The following PTGR1 variants were observed in gnomAD, a reference collection of about 807,000 sequenced individuals.
PTGR1 encodes 15-oxoprostaglandin 13-reductase.
PTGR1 carries 23 observed loss-of-function variants against 37.7 expected under a neutral mutation model. The observed-to-expected ratio is 0.61, with a 90% CI of 0.44 to 0.86. The LOEUF (loss-of-function observed/expected upper bound fraction) is 0.86. Among genes scored for constraint, PTGR1 ranks in the 40% least tolerant of loss-of-function variants. The pLI is 0.00. For missense variants in PTGR1, 351 were observed against 394.3 expected (o/e 0.89, Z 0.93); for synonymous variants, 134 against 140.0 (o/e 0.96, Z 0.30).
At chr9:111,587,580 T>C (rs1456013919) in intron 4 of PTGR1, among the ~76,000 whole-genome samples, 1 of 152,016 alleles carries the variant, frequency 6.6e-6, no homozygotes, top group African/African-American at 2.4e-5. Context: ...GCCTCCCAAA[T>C]AGCTGGGAAT....
At chr9:111,553,766 A>G (rs1263176277) in intron 9 of PTGR1, among the ~76,000 whole-genome samples, 1 of 152,238 alleles carries the variant, frequency 6.6e-6, no homozygotes, top group Non-Finnish European at 1.5e-5. Context: ...AAATTGTGAA[A>G]TGTGGCACTG....
chr9:111,561,173 G>GAA (rs1564608215), downstream of PTGR1, among the ~76,000 whole-genome samples: 11 of 120,796 alleles, frequency 9.1e-5, no homozygotes, highest in South Asian at 5.6e-4. Flanking sequence ...GAGAGAGAGA[G>GAA]AGAGAAAGAG....
chr9:111,565,442 G>T (rs935260931), intron 9 of PTGR1, among the ~76,000 whole-genome samples: 1 of 152,138 alleles, frequency 6.6e-6, no homozygotes, highest in African/African-American at 2.4e-5. Context: ...TTAATAATAG[G>T]GGAAATTAGG....
intron 9 of PTGR1, among the ~76,000 whole-genome samples, chr9:111,557,027 T>G (rs1041831332): frequency 6.6e-6 from 1 of 152,172 alleles, no homozygotes; most frequent in Non-Finnish European, 1.5e-5. Context: ...CCTCCAGGCC[T>G]TTGATGGAAA....
At chr9:111,585,865 G>C in intron 5 of PTGR1, 133 bp downstream of exon 5, 1 of 991,458 alleles carries the variant, frequency 1.0e-6, no homozygotes, top group Non-Finnish European at 1.5e-6. Context: ...TCTTGGTCCT[G>C]CCCTCTTCTC....
chr9:111,586,969 A>G (rs1564620632), intron 4 of PTGR1, among the ~76,000 whole-genome samples: 1 of 150,666 alleles, frequency 6.6e-6, no homozygotes, highest in Non-Finnish European at 1.5e-5. Context: ...CCACCACAAC[A>G]ACACCAGACT....
chr9:111,588,017 C>CTTTCTTTT (rs759731089), intron 4 of PTGR1, among the ~76,000 whole-genome samples: 1 of 140,276 alleles, frequency 7.1e-6, no homozygotes, highest in African/African-American at 2.6e-5. Flanking sequence ...ATTATTTTTT[C>CTTTCTTTT]TTTTTTTTTT....
At chr9:111,554,178 T>C (rs2132290313) in intron 9 of PTGR1, among the ~76,000 whole-genome samples, 1 of 152,326 alleles carries the variant, frequency 6.6e-6, no homozygotes, top group East Asian at 1.9e-4. Flanking sequence ...TATTATGTTA[T>C]TGGAACTAAC....
At chr9:111,594,652 G>A (rs1829726723) in intron 2 of PTGR1, among the ~76,000 whole-genome samples, 1 of 147,082 alleles carries the variant, frequency 6.8e-6, no homozygotes, top group Non-Finnish European at 1.5e-5. Flanking sequence ...CTGGGTTCAT[G>A]CCATTCTCCT....
At chr9:111,578,412 G>A (rs1442523052) in intron 7 of PTGR1, among the ~76,000 whole-genome samples, 1 of 152,066 alleles carries the variant, frequency 6.6e-6, no homozygotes, top group Non-Finnish European at 1.5e-5. Flanking sequence ...GCAACTAGAC[G>A]GTCCCATCTG....
At chr9:111,574,620 A>AAT in intron 8 of PTGR1, 114 bp downstream of exon 8, 1 of 699,432 alleles carries the variant, frequency 1.4e-6, no homozygotes, top group Non-Finnish European at 2.3e-6. Flanking sequence ...AAAAAAAAAA[A>AAT]GAATATATGA....
chr9:111,558,575 A>C (rs1318194946), downstream of PTGR1, among the ~76,000 whole-genome samples: 1 of 152,158 alleles, frequency 6.6e-6, no homozygotes, highest in African/African-American at 2.4e-5. Flanking sequence ...CCCCAGAACA[A>C]ACCATTTCTG....
chr9:111,583,634 C>T, intron 5 of PTGR1, 45 bp from the exon 6 acceptor site: 1 of 1,439,576 alleles, frequency 6.9e-7, no homozygotes, highest in Non-Finnish European at 9.8e-7. Flanking sequence ...TTGTTTCTTT[C>T]CTCTATAACT....
chr9:111,591,552 TA>T (rs761840955), intron 4 of PTGR1, among the ~76,000 whole-genome samples: 63 of 151,702 alleles, frequency 4.2e-4, no homozygotes, highest in Non-Finnish European at 5.6e-4. Context: ...GTTTTTTTAG[TA>T]GAGACGGGGT....
At chr9:111,567,393 G>T (rs1415404241) in intron 9 of PTGR1, among the ~76,000 whole-genome samples, 1 of 152,110 alleles carries the variant, frequency 6.6e-6, no homozygotes, top group African/African-American at 2.4e-5. Context: ...TCACCATGTT[G>T]GTCAGATGGT....
intron 4 of PTGR1, among the ~76,000 whole-genome samples, chr9:111,587,671 T>C (rs1166840625): frequency 6.6e-6 from 1 of 152,088 alleles, no homozygotes; most frequent in Non-Finnish European, 1.5e-5. Flanking sequence ...AGGATGGTCT[T>C]GATCTCTTGA....
chr9:111,592,779 A>T, intron 4 of PTGR1, 147 bp downstream of exon 4: 1 of 1,127,258 alleles, frequency 8.9e-7, no homozygotes, highest in Non-Finnish European at 1.2e-6. Context: ...GGAAGGAGAC[A>T]GAATTTCCCA....
rs1283488025 is a variant in PTGR1 at position 111,583,486 on chromosome 9, T to A, written c.481A>T (p.Ile161Phe). 6.2e-7 allele frequency: 1 copy of A among 1,610,916 alleles called. No homozygotes were observed. The highest frequency in any genetic ancestry group is 8.5e-7 in the Non-Finnish European group (1 of 1,177,072). ...AAGGCACTTACCTTGAGCTTTGCAATCTGCCCCACGACTGAGCCCACAGCT... is the reference window on the plus strand; with the variant it reads ...AAGGCACTTACCTTGAGCTTTGCAAACTGCCCCACGACTGAGCCCACAGCT... ...AGAVGSVVGQ[I>F]AKLKGCKVVG... Residue 161 changes from isoleucine (I) to phenylalanine (F), a missense_variant, in exon 6 of 10, where the codon ATT (isoleucine) becomes TTT (phenylalanine). Coordinates refer to ENST00000407693, the MANE Select transcript of PTGR1 (RefSeq NM_001146108.2).
chr9:111,552,454 A>G (rs1030580273), intron 9 of PTGR1, among the ~76,000 whole-genome samples: 40 of 152,254 alleles, frequency 2.6e-4, no homozygotes, highest in African/African-American at 8.0e-4. Context: ...GCAATGAGGG[A>G]AAAGTTATCC....
Sources: gnomAD v4.1 joint callset for allele counts (sites outside exome capture counted in the v4.1 genomes callset) on GRCh38, gnomAD v4.1.1 for gene constraint, MANE v1.5 for transcripts, NCBI Gene and HGNC (gene_info 2026-07-23, HGNC 2026-07-21) for gene names.